The following ARHGAP18 variants were observed in gnomAD, a reference collection of about 807,000 sequenced individuals.
The protein encoded by ARHGAP18 is rho GTPase-activating protein 18.
ARHGAP18 carries 67 observed loss-of-function variants against 86.2 expected under a neutral mutation model. The observed-to-expected ratio is 0.78, with a 90% confidence interval of 0.64 to 0.95. ARHGAP18 has a LOEUF of 0.95. Among genes scored for constraint, ARHGAP18 ranks in the 40% least tolerant of loss-of-function variants. The pLI is 0.00. For synonymous variants in ARHGAP18, 283 were observed against 280.4 expected, an observed-to-expected ratio of 1.01 and a Z score of -0.09; for missense variants, 691 against 780.4, an observed-to-expected ratio of 0.89 and a Z score of 1.37.
intron 5 of ARHGAP18, among the ~76,000 whole-genome samples, chr6:129,621,024 T>A (rs1460177711): frequency 6.6e-6 from 1 of 152,228 alleles, no homozygotes; most frequent in African/African-American, 2.4e-5. Flanking sequence ...TAATTTTCTT[T>A]AGAAAATATG....
In ARHGAP18 at chr6:129,637,550, A is replaced by C. The variant is rs148884276; in HGVS notation, c.552+844T>G. 6.3e-3 allele frequency among the ~76,000 whole-genome samples: 964 copies of C among 152,272 alleles called. 12 individuals carry two copies. Among genetic ancestry groups the C allele is most frequent in the African/African-American group, 0.022 (906 of 41,552 alleles). ...TCCTTACATATCTTCCGTTCATCCT[A>C]AAGGGTTTCTCTGTATATAGTGAAC... is the stretch of plus-strand genomic sequence containing the variant. On this transcript the variant is annotated intron_variant, in intron 3 of 14. Transcript: ENST00000368149.
chr6:129,664,919 C>T (rs889890127), intron 1 of ARHGAP18, among the ~76,000 whole-genome samples: 2 of 152,122 alleles, frequency 1.3e-5, no homozygotes, highest in Non-Finnish European at 2.9e-5. Flanking sequence ...GAGCAGAGAC[C>T]TGAATGAAAT....
intron 12 of ARHGAP18, chr6:129,598,966 T>C (rs564420826): frequency 1.9e-4 from 53 of 272,910 alleles, no homozygotes; most frequent in South Asian, 1.5e-3. Context: ...GTGTGTTCAG[T>C]CTTGTCTTGA....
intron 12 of ARHGAP18, 31 bp downstream of exon 12, chr6:129,599,184 TG>T: frequency 6.9e-7 from 1 of 1,441,474 alleles, no homozygotes; most frequent in Non-Finnish European, 9.1e-7. Context: ...ACTTAAGATC[TG>T]AATAAATACA....
chr6:129,649,538 G>A (rs1322247977), intron 1 of ARHGAP18, among the ~76,000 whole-genome samples: 1 of 118,110 alleles, frequency 8.5e-6, no homozygotes, highest in Non-Finnish European at 1.6e-5. Flanking sequence ...TGGCAACAGA[G>A]CAAGTCTCTG....
At position 129,625,411 on chromosome 6, in the gene ARHGAP18, TTATATATAA is replaced by T. The variant is rs1188790226; in HGVS notation, c.786+3933_786+3941del. 8.4e-3 allele frequency among the ~76,000 whole-genome samples: 354 copies of T among 42,288 alleles called. 60 individuals carry two copies. The highest frequency in any genetic ancestry group is 0.032 in the African/African-American group (293 of 9,140). 27.7% of individuals were successfully genotyped at this position (42,288 alleles called of 152,430 possible). On this transcript the variant is annotated intron_variant, in intron 5 of 14. Coordinates refer to ENST00000368149, the MANE Select transcript of ARHGAP18 (RefSeq NM_033515.3). ...TATATTTATACATATGTATTATATA[TTATATATAA>T]TATATATTATATATAATATATATTT...
chr6:129,615,382 GA>G (rs1431262772), intron 7 of ARHGAP18, among the ~76,000 whole-genome samples: 1 of 152,154 alleles, frequency 6.6e-6, no homozygotes, highest in Non-Finnish European at 1.5e-5. Context: ...TGGTAGATAT[GA>G]GGGGAAAAAA....
chr6:129,701,972 G>C (rs888073737), intron 1 of ARHGAP18, among the ~76,000 whole-genome samples: 1 of 152,122 alleles, frequency 6.6e-6, no homozygotes, highest in Admixed American at 6.5e-5. Context: ...TGCCATGAGT[G>C]TCCCCATATG....
At chr6:129,687,853 A>T (rs931181593) in intron 1 of ARHGAP18, among the ~76,000 whole-genome samples, 1 of 152,110 alleles carries the variant, frequency 6.6e-6, no homozygotes. Context: ...TCACAACACC[A>T]CTGAGGCACA....
intron 1 of ARHGAP18, among the ~76,000 whole-genome samples, chr6:129,691,676 C>G (rs1031189080): frequency 1.3e-5 from 2 of 152,156 alleles, no homozygotes; most frequent in African/African-American, 4.8e-5. Context: ...GAAGCATAAT[C>G]TCGGAGGTGT....
rs367609881 is a variant in ARHGAP18 at position 129,629,428 on chromosome 6, G to T, written c.711C>A (p.Ala237=). Residue 237 remains alanine, a synonymous_variant, in exon 5 of 15, where the codon GCC becomes GCA. Coordinates refer to ENST00000368149, the MANE Select transcript of ARHGAP18 (RefSeq NM_033515.3). The part of the protein sequence containing the change: ...ETDINLEVSF[A]EQALNQKESS... ...TCTCTTTCTGATTGAGTGCTTGCTC[G>T]GCAAATGATACCTCCAGGTTGATGT... 1.2e-6 allele frequency: 2 copies of T among 1,613,814 alleles called. No individual in the cohort carries two copies.
In ARHGAP18 at chr6:129,608,061, CACGAAA is replaced by C. The variant is rs1562687782; in HGVS notation, c.1123-15_1123-10del. On this transcript the variant is annotated splice_polypyrimidine_tract_variant and intron_variant, in intron 8 of 14. Coordinates refer to ENST00000368149, the MANE Select transcript of ARHGAP18 (RefSeq NM_033515.3). ...AGTTCTTGGCAAAGATTCTGATAGGCACGAAAAAAAAAAAAAAAAAAAAAAGAAGCA... is the reference window on the plus strand; with the variant it reads ...AGTTCTTGGCAAAGATTCTGATAGGCAAAAAAAAAAAAAAAAAAAGAAGCA... The C allele has an allele frequency of 7.1e-6, 5 of 704,468 alleles. No homozygotes were observed. In the South Asian group the frequency reaches 1.1e-4, roughly 16 times the overall value. 43.6% of individuals were successfully genotyped at this position (704,468 alleles called of 1,614,324 possible).
Position 129,691,258 on chromosome 6 carries a change from T to C in ARHGAP18, c.113+18766A>G, listed in dbSNP as rs1584116858. 2.0e-5 allele frequency among the ~76,000 whole-genome samples: 3 copies of C among 152,196 alleles called. No individual in the cohort carries two copies. In the East Asian group the frequency reaches 5.8e-4, roughly 29 times the overall value. On this transcript the variant is annotated intron_variant, in intron 1 of 14. Transcript: ENST00000368149. ...TGCCTTGATAAAGACTACACAGACT[T>C]TGGCCCCAGTTCTCACCAGCATGGG...
chr6:129,602,546 C>T (rs1347666365), intron 10 of ARHGAP18, among the ~76,000 whole-genome samples: 3 of 152,036 alleles, frequency 2.0e-5, no homozygotes, highest in Non-Finnish European at 4.4e-5. Flanking sequence ...TCAAGTATAA[C>T]TGCTATATAG....
Position 129,628,499 on chromosome 6 carries a change from G to A in ARHGAP18, c.786+854C>T, listed in dbSNP as rs769438422. ...ACAAATTATTATTAATTGCACATAG[G>A]AAAGGTATCTTTTTATAATGGGGAG... is the stretch of plus-strand genomic sequence containing the variant. On this transcript the variant is annotated intron_variant, in intron 5 of 14. Transcript: ENST00000368149. Among the ~76,000 whole-genome samples the A allele has an allele frequency of 8.6e-4, 131 of 152,252 alleles. 1 individual carries two copies. The highest frequency in any genetic ancestry group is 3.4e-3 in the Middle Eastern group (1 of 294).
intron 7 of ARHGAP18, among the ~76,000 whole-genome samples, chr6:129,613,155 C>T (rs1789017024): frequency 1.3e-5 from 2 of 151,536 alleles, no homozygotes; most frequent in African/African-American, 4.8e-5. Context: ...ATGGTGTGAA[C>T]CCCAGAGGCG....
chr6:129,611,040 G>A (rs1788968055), intron 8 of ARHGAP18, among the ~76,000 whole-genome samples: 1 of 152,200 alleles, frequency 6.6e-6, no homozygotes, highest in African/African-American at 2.4e-5. Flanking sequence ...GGAACTCCAG[G>A]TGACCACCAC....
At position 129,577,283 on chromosome 6, in the gene ARHGAP18, T is replaced by C. The variant is rs1788196377; in HGVS notation, c.*1230A>G. 6.6e-6 allele frequency: 1 copy of C among 152,212 alleles called. No homozygotes were observed. Among genetic ancestry groups the C allele is most frequent in the Non-Finnish European group, 1.5e-5 (1 of 68,016 alleles). The allele number at this position is 152,212 out of a possible 1,614,324, so 9.4% of individuals were successfully genotyped here. ...TAGAGACATCAAGAGCTTCTGAGAATGTGTAGTTTTTCCTAAAGTACTACT... is the reference window on the plus strand; with the variant it reads ...TAGAGACATCAAGAGCTTCTGAGAACGTGTAGTTTTTCCTAAAGTACTACT... On this transcript the variant is annotated 3_prime_UTR_variant, in exon 15 of 15. Coordinates refer to ENST00000368149, the MANE Select transcript of ARHGAP18 (RefSeq NM_033515.3).
intron 4 of ARHGAP18, 98 bp from the exon 5 acceptor site, chr6:129,629,620 AC>A (rs1340561971): frequency 2.7e-5 from 35 of 1,273,430 alleles, no homozygotes; most frequent in Non-Finnish European, 3.3e-5. Context: ...TGGGAAGAGT[AC>A]TATTTTCTCT....
Sources: gnomAD v4.1 joint callset for allele counts (sites outside exome capture counted in the v4.1 genomes callset) on GRCh38, gnomAD v4.1.1 for gene constraint, MANE v1.5 for transcripts, NCBI Gene and HGNC (gene_info 2026-07-23, HGNC 2026-07-21) for gene names.